SLC14A2: variants seen among roughly 807,000 people sequenced by gnomAD.
The protein encoded by SLC14A2 is solute carrier family 14 member 2, also known as urea transporter 2.
A neutral mutation model predicts 104.6 loss-of-function variants in SLC14A2; 91 were observed. The ratio of observed to expected loss-of-function variants is 0.87; its 90% CI spans 0.73 to 1.04. The LOEUF (loss-of-function observed/expected upper bound fraction) is 1.04. Among genes scored for constraint, SLC14A2 ranks in the 50% least tolerant of loss-of-function variants. The pLI is 0.00. For synonymous variants in SLC14A2, 476 were observed against 466.4 expected (o/e 1.02, Z -0.27); for missense variants, 1,189 against 1,156.0 (o/e 1.03, Z -0.41).
intron 1 of SLC14A2, among the ~76,000 whole-genome samples, chr18:45,264,227 T>C (rs2084568969): frequency 6.6e-6 from 1 of 152,318 alleles, no homozygotes; most frequent in South Asian, 2.1e-4. Context: ...TTTTCCTTTT[T>C]TGTTTTTATT....
intron 1 of SLC14A2, among the ~76,000 whole-genome samples, chr18:45,437,057 C>T (rs1262300884): frequency 6.6e-6 from 1 of 152,182 alleles, no homozygotes; most frequent in Non-Finnish European, 1.5e-5. Flanking sequence ...CACTGCCTGG[C>T]CCACCCCACT....
At chr18:45,654,909 C>A (rs1217440964) in intron 10 of SLC14A2, among the ~76,000 whole-genome samples, 1 of 152,154 alleles carries the variant, frequency 6.6e-6, no homozygotes, top group Non-Finnish European at 1.5e-5. Context: ...GTTTCCAGGG[C>A]AGCACTGTGC....
At chr18:45,242,421 G>A (rs2084327372) in intron 1 of SLC14A2, among the ~76,000 whole-genome samples, 1 of 152,118 alleles carries the variant, frequency 6.6e-6, no homozygotes. Flanking sequence ...GAAACTAGAG[G>A]GAAAACTCGA....
At chr18:45,420,218 A>G (rs1371996705) in intron 1 of SLC14A2, among the ~76,000 whole-genome samples, 3 of 152,158 alleles carry the variant, frequency 2.0e-5, no homozygotes, top group Non-Finnish European at 4.4e-5. Flanking sequence ...GAATCTCTCC[A>G]CAGGGTTGCT....
At chr18:45,171,745 G>A in the SLC14A2 span, among the ~76,000 whole-genome samples, 3 of 152,126 alleles carry the variant, frequency 2.0e-5, no homozygotes, top group African/African-American at 7.2e-5. Context: ...TCTCAGATGA[G>A]TAATACCAGA....
intron 10 of SLC14A2, among the ~76,000 whole-genome samples, chr18:45,652,964 C>T (rs1267171034): frequency 6.6e-6 from 1 of 151,928 alleles, no homozygotes; most frequent in Non-Finnish European, 1.5e-5. Flanking sequence ...ACATATTGCT[C>T]ACAGGTGGCT....
intron 2 of SLC14A2, among the ~76,000 whole-genome samples, chr18:45,573,850 C>T (rs1223867803): frequency 6.6e-6 from 1 of 152,160 alleles, no homozygotes; most frequent in African/African-American, 2.4e-5. Context: ...TAGTTTAAGA[C>T]AAAATCTACA....
At chr18:45,503,937 C>A (rs1342771183) in intron 2 of SLC14A2, among the ~76,000 whole-genome samples, 3 of 152,192 alleles carry the variant, frequency 2.0e-5, no homozygotes, top group Non-Finnish European at 4.4e-5. Context: ...AAGTTAGTAA[C>A]AGAGCCCCTT....
chr18:45,288,849 A>G (rs1255576615), intron 1 of SLC14A2, among the ~76,000 whole-genome samples: 3 of 152,218 alleles, frequency 2.0e-5, no homozygotes, highest in African/African-American at 4.8e-5. Flanking sequence ...AGACAGGGCT[A>G]GAGGTGTCCC....
At chr18:45,470,759 CATG>C (rs1443838286) in intron 1 of SLC14A2, among the ~76,000 whole-genome samples, 2 of 152,194 alleles carry the variant, frequency 1.3e-5, no homozygotes, top group East Asian at 3.9e-4. Context: ...TTTAATTAAT[CATG>C]ATGATGACGA....
At chr18:45,480,575 G>A (rs2144695631) in intron 1 of SLC14A2, among the ~76,000 whole-genome samples, 1 of 152,164 alleles carries the variant, frequency 6.6e-6, no homozygotes, top group East Asian at 1.9e-4. Flanking sequence ...CCACAGCCAG[G>A]TACATCAGTG....
chr18:45,520,416 C>T (rs1266610542), intron 2 of SLC14A2, among the ~76,000 whole-genome samples: 1 of 152,168 alleles, frequency 6.6e-6, no homozygotes, highest in African/African-American at 2.4e-5. Context: ...GCCTTAAACA[C>T]ACCCTTACCT....
intron 1 of SLC14A2, among the ~76,000 whole-genome samples, chr18:45,437,443 C>T (rs1047470184): frequency 6.6e-6 from 1 of 152,196 alleles, no homozygotes; most frequent in African/African-American, 2.4e-5. Flanking sequence ...AGCCTCTCTC[C>T]TGGAGCCAGG....
At chr18:45,497,075 T>G (rs1172268585) in intron 2 of SLC14A2, among the ~76,000 whole-genome samples, 2 of 152,198 alleles carry the variant, frequency 1.3e-5, no homozygotes, top group Non-Finnish European at 2.9e-5. Context: ...GGACTTTGCC[T>G]TGTAATAGTG....
At chr18:45,203,899 G>T in the SLC14A2 span, among the ~76,000 whole-genome samples, 1 of 152,184 alleles carries the variant, frequency 6.6e-6, no homozygotes, top group African/African-American at 2.4e-5. Context: ...TATAGTGCAT[G>T]AATTCTCCAA....
the SLC14A2 span, among the ~76,000 whole-genome samples, chr18:45,183,905 A>ATTT: frequency 1.4e-5 from 1 of 71,930 alleles, no homozygotes. Context: ...CTAATTTTCT[A>ATTT]ATTTTTTTTT....
intron 1 of SLC14A2, among the ~76,000 whole-genome samples, chr18:45,322,733 C>A (rs1303365251): frequency 6.6e-6 from 1 of 152,176 alleles, no homozygotes; most frequent in African/African-American, 2.4e-5. Context: ...TACCCTTCAT[C>A]AAGACTACTT....
chr18:45,398,004 G>A (rs1366753148), intron 1 of SLC14A2, among the ~76,000 whole-genome samples: 3 of 152,074 alleles, frequency 2.0e-5, no homozygotes, highest in African/African-American at 7.2e-5. Flanking sequence ...CTAGCAAGGA[G>A]GTTAGGAAGT....
chr18:45,554,618 G>T (rs1038071820), intron 2 of SLC14A2, among the ~76,000 whole-genome samples: 1 of 152,052 alleles, frequency 6.6e-6, no homozygotes, highest in Admixed American at 6.6e-5. Context: ...CTTTAAAACA[G>T]CATTAATAAA....
Sources: gnomAD v4.1 joint callset for allele counts (sites outside exome capture counted in the v4.1 genomes callset) on GRCh38, gnomAD v4.1.1 for gene constraint, MANE v1.5 for transcripts, NCBI Gene and HGNC (gene_info 2026-07-23, HGNC 2026-07-21) for gene names.